Variants in RUNDC3B observed in about 807,000 individuals in gnomAD.
RUNDC3B encodes RUN domain-containing protein 3B.
A neutral mutation model predicts 58.4 loss-of-function variants in RUNDC3B; 33 were observed. The ratio of observed to expected loss-of-function variants is 0.56; its 90% CI spans 0.43 to 0.75. RUNDC3B has a LOEUF of 0.75. Among genes scored for constraint, RUNDC3B ranks in the 30% least tolerant of loss-of-function variants. The pLI, the probability that RUNDC3B is intolerant of heterozygous loss-of-function variation, is 0.00. For missense variants in RUNDC3B, 501 were observed against 535.7 expected (o/e 0.94, Z 0.64); for synonymous variants, 193 against 195.2 (o/e 0.99, Z 0.10).
At chr7:87,764,374 TAA>T (rs1168174718) in intron 6 of RUNDC3B, among the ~76,000 whole-genome samples, 1 of 151,888 alleles carries the variant, frequency 6.6e-6, no homozygotes, top group Non-Finnish European at 1.5e-5. Flanking sequence ...TAATTAACTT[TAA>T]GTCTCAAATA....
chr7:87,793,406 C>T (rs1172282379), intron 8 of RUNDC3B, among the ~76,000 whole-genome samples: 1 of 152,066 alleles, frequency 6.6e-6, no homozygotes, highest in Non-Finnish European at 1.5e-5. Context: ...CTCTGAAGAA[C>T]ATTGATGCAG....
At chr7:87,805,860 G>A (rs1195703861) in intron 8 of RUNDC3B, among the ~76,000 whole-genome samples, 1 of 152,080 alleles carries the variant, frequency 6.6e-6, no homozygotes, top group Non-Finnish European at 1.5e-5. Flanking sequence ...AAACCTAAGA[G>A]AATCCAAAAT....
chr7:87,743,605 A>T (rs1246855283), intron 6 of RUNDC3B, among the ~76,000 whole-genome samples: 1 of 151,974 alleles, frequency 6.6e-6, no homozygotes, highest in Admixed American at 6.6e-5. Context: ...TGCCATTTGT[A>T]TATCTTCTTT....
At chr7:87,797,905 G>A (rs1835900660) in intron 8 of RUNDC3B, among the ~76,000 whole-genome samples, 1 of 152,160 alleles carries the variant, frequency 6.6e-6, no homozygotes, top group Non-Finnish European at 1.5e-5. Flanking sequence ...ATGTAGCAAG[G>A]AAATCCCTTG....
At chr7:87,686,397 TG>T (rs1444041288) in intron 2 of RUNDC3B, among the ~76,000 whole-genome samples, 1 of 152,154 alleles carries the variant, frequency 6.6e-6, no homozygotes, top group African/African-American at 2.4e-5. Context: ...CTGTTTTTCT[TG>T]GATGGGTGAG....
chr7:87,747,636 T>A (rs1260173543), intron 6 of RUNDC3B, among the ~76,000 whole-genome samples: 1 of 152,000 alleles, frequency 6.6e-6, no homozygotes, highest in Non-Finnish European at 1.5e-5. Context: ...GAGCTCAGAC[T>A]CTCCTTGGGC....
chr7:87,702,142 C>CAAAAAAAAAAAAAAAA (rs146127516), intron 3 of RUNDC3B, among the ~76,000 whole-genome samples: 1 of 16,776 alleles, frequency 6.0e-5, no homozygotes, highest in African/African-American at 1.7e-4. Flanking sequence ...GACTCTGTCT[C>CAAAAAAAAAAAAAAAA]AAAAAAAAAA....
intron 2 of RUNDC3B, among the ~76,000 whole-genome samples, chr7:87,677,335 TAAAAAA>T (rs57714170): frequency 1.6e-5 from 2 of 125,226 alleles, no homozygotes; most frequent in African/African-American, 5.8e-5. Context: ...ATTTCAGATT[TAAAAAA>T]AAAAAAAAAG....
chr7:87,826,148 C>T (rs941519980), intron 10 of RUNDC3B, among the ~76,000 whole-genome samples: 7 of 152,030 alleles, frequency 4.6e-5, no homozygotes, highest in African/African-American at 9.7e-5. Flanking sequence ...CTGTCCCCAC[C>T]GAAATCTTAT....
intron 9 of RUNDC3B, among the ~76,000 whole-genome samples, chr7:87,809,812 C>G (rs762570508): frequency 6.6e-6 from 1 of 152,152 alleles, no homozygotes; most frequent in Admixed American, 6.5e-5. Flanking sequence ...TGAAACCAAT[C>G]ACAGCTTTTC....
chr7:87,718,549 A>C (rs1830692464), intron 4 of RUNDC3B, among the ~76,000 whole-genome samples: 1 of 152,190 alleles, frequency 6.6e-6, no homozygotes, highest in African/African-American at 2.4e-5. Flanking sequence ...GATAGAAATC[A>C]GGTCTGCTAT....
intron 6 of RUNDC3B, among the ~76,000 whole-genome samples, chr7:87,748,606 A>G (rs1016197276): frequency 7.9e-5 from 12 of 152,070 alleles, no homozygotes. Context: ...TCACACATAC[A>G]CACACACACA....
intron 1 of RUNDC3B, among the ~76,000 whole-genome samples, chr7:87,638,839 C>T (rs961339622): frequency 2.0e-5 from 3 of 152,008 alleles, no homozygotes; most frequent in Non-Finnish European, 2.9e-5. Flanking sequence ...TTTTCTCTGT[C>T]GACTCCTCAG....
At chr7:87,669,097 T>C (rs905755973) in intron 2 of RUNDC3B, among the ~76,000 whole-genome samples, 1 of 152,140 alleles carries the variant, frequency 6.6e-6, no homozygotes, top group Non-Finnish European at 1.5e-5. Context: ...CCACTATTTT[T>C]TCCATGGGAG....
At chr7:87,687,365 TA>T (rs955541040) in intron 2 of RUNDC3B, among the ~76,000 whole-genome samples, 2 of 152,188 alleles carry the variant, frequency 1.3e-5, no homozygotes, top group African/African-American at 4.8e-5. Flanking sequence ...CCATGAGGTT[TA>T]ACCCTTCCAC....
chr7:87,764,392 C>A (rs1476083562), intron 6 of RUNDC3B, among the ~76,000 whole-genome samples: 1 of 151,744 alleles, frequency 6.6e-6, no homozygotes, highest in African/African-American at 2.4e-5. Context: ...AAATAAATAT[C>A]TTTATTCTTG....
intron 4 of RUNDC3B, among the ~76,000 whole-genome samples, chr7:87,715,522 A>C (rs1444834168): frequency 7.2e-6 from 1 of 138,118 alleles, no homozygotes; most frequent in East Asian, 2.0e-4. Flanking sequence ...TTAATTATAT[A>C]TATAACATTT....
At chr7:87,762,939 T>C (rs1236438644) in intron 6 of RUNDC3B, among the ~76,000 whole-genome samples, 1 of 151,574 alleles carries the variant, frequency 6.6e-6, no homozygotes, top group Admixed American at 6.6e-5. Context: ...TATTTACTGA[T>C]ATATTTGGAA....
intron 10 of RUNDC3B, among the ~76,000 whole-genome samples, chr7:87,818,900 C>A (rs1365034396): frequency 6.6e-6 from 1 of 152,032 alleles, no homozygotes; most frequent in East Asian, 1.9e-4. Context: ...GCCAGAAAAG[C>A]CATACAGTAA....
Sources: allele counts gnomAD v4.1 joint callset (sites outside exome capture counted in the v4.1 genomes callset), GRCh38; gene constraint gnomAD v4.1.1; transcripts MANE v1.5; gene names NCBI Gene and HGNC (gene_info 2026-07-23, HGNC 2026-07-21).